Variants in TASP1 observed in about 807,000 individuals in gnomAD.
TASP1 encodes taspase 1, also known as threonine aspartase 1.
In TASP1, 16 loss-of-function variants were observed where a neutral mutation model predicts 56.6. That is an observed-to-expected ratio of 0.28 (90% CI 0.19 to 0.43). TASP1 has a LOEUF of 0.43. Ranked by LOEUF, TASP1 falls within the 20% of genes least tolerant of loss-of-function variation. TASP1 has a pLI of 1.00. For missense variants in TASP1, 393 were observed against 511.6 expected, an observed-to-expected ratio of 0.77 and a Z score of 2.24; for synonymous variants, 179 against 184.2, an observed-to-expected ratio of 0.97 and a Z score of 0.23.
chr20:13,348,679 G>A, the TASP1 span, among the ~76,000 whole-genome samples: 5 of 152,100 alleles, frequency 3.3e-5, no homozygotes, highest in African/African-American at 1.2e-4. Flanking sequence ...GGTTTATTAT[G>A]GCTGGCCAGT....
the TASP1 span, among the ~76,000 whole-genome samples, chr20:13,233,455 C>T: frequency 6.6e-6 from 1 of 151,888 alleles, no homozygotes; most frequent in African/African-American, 2.4e-5. Context: ...ATTAGCCGGG[C>T]GTGGTGGTGC....
intron 6 of TASP1, among the ~76,000 whole-genome samples, chr20:13,578,346 T>C (rs2047003351): frequency 6.6e-6 from 1 of 152,150 alleles, no homozygotes; most frequent in Non-Finnish European, 1.5e-5. Flanking sequence ...GTCTTTTTCT[T>C]ATTGATATTT....
intron 8 of TASP1, among the ~76,000 whole-genome samples, chr20:13,540,282 CTTAT>C (rs1197896517): frequency 3.3e-5 from 5 of 152,260 alleles, no homozygotes; most frequent in South Asian, 2.1e-4. Flanking sequence ...TCCAATTTGA[CTTAT>C]TTGTCTGAAA....
chr20:13,607,828 G>A (rs577541446), intron 4 of TASP1, among the ~76,000 whole-genome samples: 92 of 152,266 alleles, frequency 6.0e-4, no homozygotes, highest in Non-Finnish European at 1.2e-3. Context: ...TTAGCCAGGC[G>A]TGATGGCAGG....
chr20:13,430,928 A>G (rs945223945), intron 12 of TASP1, among the ~76,000 whole-genome samples: 6 of 152,204 alleles, frequency 3.9e-5, no homozygotes, highest in Non-Finnish European at 7.4e-5. Context: ...TGTCAAGAGG[A>G]AAGTCTACAT....
chr20:13,505,641 A>T (rs1344011094), intron 10 of TASP1, among the ~76,000 whole-genome samples: 1 of 152,206 alleles, frequency 6.6e-6, no homozygotes, highest in Non-Finnish European at 1.5e-5. Context: ...ATGGAAATTA[A>T]ATAACACACT....
chr20:13,612,464 C>A (rs1321864877), intron 4 of TASP1, among the ~76,000 whole-genome samples: 2 of 149,330 alleles, frequency 1.3e-5, no homozygotes, highest in Non-Finnish European at 3.0e-5. Flanking sequence ...AACATGATAA[C>A]CTTTTTAGAA....
At chr20:13,501,090 A>G (rs2043928352) in intron 10 of TASP1, among the ~76,000 whole-genome samples, 1 of 152,076 alleles carries the variant, frequency 6.6e-6, no homozygotes, top group Admixed American at 6.5e-5. Flanking sequence ...TTATTGAAAG[A>G]AAAAAGCCAA....
At chr20:13,160,789 A>G in the TASP1 span, among the ~76,000 whole-genome samples, 1 of 152,254 alleles carries the variant, frequency 6.6e-6, no homozygotes, top group Non-Finnish European at 1.5e-5. Context: ...AACAAGCAAC[A>G]CATATAATAC....
intron 4 of TASP1, among the ~76,000 whole-genome samples, chr20:13,598,544 A>T (rs1418537940): frequency 6.6e-6 from 1 of 152,248 alleles, no homozygotes; most frequent in Non-Finnish European, 1.5e-5. Flanking sequence ...AAGATGGATT[A>T]AAGACTTAAA....
chr20:13,194,543 A>ATGTGTG, the TASP1 span, among the ~76,000 whole-genome samples: 40 of 142,402 alleles, frequency 2.8e-4, no homozygotes, highest in African/African-American at 9.5e-4. Context: ...TCACCAAGAA[A>ATGTGTG]TGTGTGTGTG....
chr20:13,431,147 A>ATTGTT (rs151049388), intron 12 of TASP1, among the ~76,000 whole-genome samples: 13,737 of 151,906 alleles, frequency 0.09, 1,159 homozygotes, highest in African/African-American at 0.23. Context: ...AATTTTGGAA[A>ATTGTT]TTGTTTTATT....
the TASP1 span, chr20:13,270,518 G>A: frequency 1.9e-6 from 3 of 1,613,120 alleles, no homozygotes; most frequent in Non-Finnish European, 2.5e-6. Context: ...ACCTCAACGT[G>A]GGAAGTGACA....
rs548558645 is a variant in TASP1 at position 13,638,098 on chromosome 20, T to C, written c.-75+796A>G. 9.2e-5 allele frequency among the ~76,000 whole-genome samples: 14 copies of C among 152,370 alleles called. No individual in the cohort carries two copies. The South Asian group carries it at 2.9e-3, about 32-fold the overall frequency. ...TAGGTGATCTCTTCATAACTATTTC[T>C]GCATTTTCCAGATGTTCCTTAGTAA... On this transcript the variant is annotated intron_variant, in intron 1 of 13. Transcript: ENST00000337743.
intron 7 of TASP1, among the ~76,000 whole-genome samples, chr20:13,562,948 T>TG (rs1491536897): frequency 8.2e-5 from 11 of 134,094 alleles, no homozygotes; most frequent in African/African-American, 3.1e-4. Flanking sequence ...TGTGTGTGTG[T>TG]TGTGTATGTG....
intron 8 of TASP1, among the ~76,000 whole-genome samples, chr20:13,541,426 G>A (rs2045617101): frequency 6.6e-6 from 1 of 152,176 alleles, no homozygotes; most frequent in Non-Finnish European, 1.5e-5. Flanking sequence ...CAGGAGGACT[G>A]CATTTAATAA....
intron 4 of TASP1, among the ~76,000 whole-genome samples, chr20:13,588,242 A>G (rs1453402646): frequency 3.1e-5 from 4 of 130,718 alleles, no homozygotes; most frequent in Admixed American, 8.1e-5. Context: ...AGAAAGAAAG[A>G]AAGGAAGAAA....
At chr20:13,165,883 C>T in the TASP1 span, 1 of 152,210 alleles carries the variant, frequency 6.6e-6, no homozygotes, top group African/African-American at 2.4e-5. Flanking sequence ...ATTGTACTAT[C>T]ACTTGTTACA....
chr20:13,564,569 T>A (rs1439734774), intron 7 of TASP1, among the ~76,000 whole-genome samples: 3 of 151,128 alleles, frequency 2.0e-5, no homozygotes, highest in Non-Finnish European at 2.9e-5. Flanking sequence ...TTTTTTTTTT[T>A]AAGAAATAGA....
Sources: allele counts gnomAD v4.1 joint callset (sites outside exome capture counted in the v4.1 genomes callset), GRCh38; gene constraint gnomAD v4.1.1; transcripts MANE v1.5; gene names NCBI Gene and HGNC (gene_info 2026-07-23, HGNC 2026-07-21).